PEPD: variants seen among roughly 807,000 people sequenced by gnomAD.
PEPD encodes the protein peptidase D.
A neutral mutation model predicts 60.7 loss-of-function variants in PEPD; 53 were observed. The ratio of observed to expected loss-of-function variants is 0.87; its 90% CI spans 0.70 to 1.10. PEPD has a LOEUF of 1.10. PEPD is among the 50% of genes least tolerant of loss of function. The probability of loss-of-function intolerance (pLI) is 0.00; values close to 1 mark genes in which losing one functional copy is unlikely to be tolerated. For missense variants in PEPD, 711 were observed against 711.9 expected, an observed-to-expected ratio of 1.00 and a Z score of 0.01; for synonymous variants, 267 against 284.1, an observed-to-expected ratio of 0.94 and a Z score of 0.60.
intron 4 of PEPD, among the ~76,000 whole-genome samples, chr19:33,498,955 C>T (rs1294972425): frequency 2.0e-5 from 3 of 152,158 alleles, no homozygotes; most frequent in Admixed American, 6.5e-5. Context: ...TCGAAGAGAC[C>T]TGAAGGGTCA....
chr19:33,415,615 C>T (rs2046145675), intron 9 of PEPD, among the ~76,000 whole-genome samples: 2 of 152,234 alleles, frequency 1.3e-5, no homozygotes, highest in African/African-American at 4.8e-5. Context: ...ATAACCCACT[C>T]AGTGGAGACA....
chr19:33,480,339 A>G (rs1463079048), intron 6 of PEPD, among the ~76,000 whole-genome samples: 1 of 152,256 alleles, frequency 6.6e-6, no homozygotes, highest in Non-Finnish European at 1.5e-5. Flanking sequence ...AGGTCAATCC[A>G]CAAAGAAGAT....
chr19:33,475,332 T>G (rs1475513130), intron 7 of PEPD, among the ~76,000 whole-genome samples: 1 of 151,748 alleles, frequency 6.6e-6, no homozygotes, highest in Non-Finnish European at 1.5e-5. Flanking sequence ...CACCCATTCC[T>G]GTTAATAAAG....
At chr19:33,405,174 A>G in intron 11 of PEPD, among the ~76,000 whole-genome samples, 1 of 152,166 alleles carries the variant, frequency 6.6e-6, no homozygotes, top group East Asian at 1.9e-4. Flanking sequence ...CCTTCTGGGT[A>G]GCTTTGGGCC....
intron 9 of PEPD, among the ~76,000 whole-genome samples, chr19:33,417,126 C>G (rs995859844): frequency 5.9e-5 from 9 of 152,234 alleles, no homozygotes; most frequent in Non-Finnish European, 1.0e-4. Context: ...AGAAGGGCTG[C>G]CTGGCAGCAA....
At chr19:33,393,472 C>T (rs1968281189) in intron 12 of PEPD, among the ~76,000 whole-genome samples, 1 of 148,190 alleles carries the variant, frequency 6.7e-6, no homozygotes, top group African/African-American at 2.6e-5. Flanking sequence ...CTGCAGCCCA[C>T]TTGGCCGCTC....
At chr19:33,510,351 G>A (rs1218680919) in intron 3 of PEPD, among the ~76,000 whole-genome samples, 1 of 148,852 alleles carries the variant, frequency 6.7e-6, no homozygotes, top group Non-Finnish European at 1.5e-5. Flanking sequence ...TCCATATGGA[G>A]ACAGAGGGAG....
At chr19:33,432,036 T>C (rs1344403979) in intron 9 of PEPD, among the ~76,000 whole-genome samples, 2 of 140,790 alleles carry the variant, frequency 1.4e-5, no homozygotes, top group African/African-American at 5.2e-5. Context: ...AGAGTGACCA[T>C]TACGAGTCTA....
intron 9 of PEPD, among the ~76,000 whole-genome samples, chr19:33,420,487 G>T (rs1167604493): frequency 2.0e-5 from 3 of 152,168 alleles, no homozygotes; most frequent in African/African-American, 7.2e-5. Context: ...TGAATCACCT[G>T]AGGTCAGGAG....
At chr19:33,515,848 C>T (rs1252695302) in intron 1 of PEPD, among the ~76,000 whole-genome samples, 2 of 152,140 alleles carry the variant, frequency 1.3e-5, no homozygotes, top group Non-Finnish European at 2.9e-5. Flanking sequence ...GACACCATGC[C>T]CCCACCTGTA....
chr19:33,419,243 G>A (rs77346928), intron 9 of PEPD, among the ~76,000 whole-genome samples: 7,285 of 152,240 alleles, frequency 0.048, 283 homozygotes, highest in Non-Finnish European at 0.079. Flanking sequence ...CCCCACTGCT[G>A]CCCAGATCAC....
At chr19:33,451,717 G>C (rs1360168453) in intron 9 of PEPD, among the ~76,000 whole-genome samples, 1 of 152,130 alleles carries the variant, frequency 6.6e-6, no homozygotes, top group Non-Finnish European at 1.5e-5. Flanking sequence ...AGATATGCCA[G>C]GAAAATGTAA....
chr19:33,462,817 C>A, intron 9 of PEPD, 178 bp downstream of exon 9: 1 of 665,992 alleles, frequency 1.5e-6, no homozygotes, highest in Non-Finnish European at 2.7e-6. Flanking sequence ...CTGCCAAGAG[C>A]CAGGGAGGCG....
intron 9 of PEPD, among the ~76,000 whole-genome samples, chr19:33,445,625 C>G (rs1969578823): frequency 6.6e-6 from 1 of 152,200 alleles, no homozygotes; most frequent in African/African-American, 2.4e-5. Flanking sequence ...GGACTTCCAG[C>G]CACCAGAAGG....
intron 6 of PEPD, among the ~76,000 whole-genome samples, chr19:33,488,460 T>C (rs1401503776): frequency 2.0e-5 from 3 of 151,908 alleles, no homozygotes; most frequent in Non-Finnish European, 2.9e-5. Context: ...CAGCACCAGG[T>C]AGTGCTGGGG....
At chr19:33,464,531 G>A (rs948630462) in intron 7 of PEPD, among the ~76,000 whole-genome samples, 3 of 152,196 alleles carry the variant, frequency 2.0e-5, no homozygotes, top group South Asian at 2.1e-4. Context: ...ACCTGCCCAC[G>A]GGTGGGTGAC....
At chr19:33,426,596 A>G (rs1307120875) in intron 9 of PEPD, among the ~76,000 whole-genome samples, 2 of 152,202 alleles carry the variant, frequency 1.3e-5, no homozygotes, top group South Asian at 4.1e-4. Flanking sequence ...ACATGGACTC[A>G]CAGCCACTCT....
chr19:33,443,419 T>C (rs1348432130), intron 9 of PEPD, among the ~76,000 whole-genome samples: 1 of 152,252 alleles, frequency 6.6e-6, no homozygotes, highest in East Asian at 1.9e-4. Context: ...AATAAAAAGA[T>C]ATTTAAATAG....
intron 1 of PEPD, among the ~76,000 whole-genome samples, chr19:33,515,896 C>A (rs1971014895): frequency 6.6e-6 from 1 of 152,108 alleles, no homozygotes; most frequent in African/African-American, 2.4e-5. Context: ...TTGTTCAGAA[C>A]CTTCTGAGAG....
Sources: gnomAD v4.1 joint callset for allele counts (sites outside exome capture counted in the v4.1 genomes callset) on GRCh38, gnomAD v4.1.1 for gene constraint, MANE v1.5 for transcripts, NCBI Gene and HGNC (gene_info 2026-07-23, HGNC 2026-07-21) for gene names.